The following SHOC2 variants were observed in gnomAD, a reference collection of about 807,000 sequenced individuals.
SHOC2 encodes the protein SHOC2 leucine rich repeat scaffold protein.
In SHOC2, 4 loss-of-function variants were observed where a neutral mutation model predicts 50.2. The ratio of observed to expected loss-of-function variants is 0.08; its 90% CI spans 0.04 to 0.18. The LOEUF (loss-of-function observed/expected upper bound fraction) is 0.18, where lower values mean the gene tolerates loss of function less well. Ranked by LOEUF, SHOC2 falls within the 10% of genes least tolerant of loss-of-function variation. The probability of loss-of-function intolerance (pLI) is 1.00; values close to 1 mark genes in which losing one functional copy is unlikely to be tolerated. For synonymous variants in SHOC2, 218 were observed against 244.5 expected (o/e 0.89, Z 1.01); for missense variants, 388 against 669.6 (o/e 0.58, Z 4.64).
intron 8 of SHOC2, among the ~76,000 whole-genome samples, chr10:111,010,647 G>A (rs1410519118): frequency 2.6e-5 from 4 of 150,980 alleles, no homozygotes; most frequent in Non-Finnish European, 5.9e-5. Flanking sequence ...AAACCTGCAC[G>A]TTGTGTACAT....
chr10:110,931,744 GTTAT>G (rs148471620), intron 1 of SHOC2, among the ~76,000 whole-genome samples: 9,565 of 152,066 alleles, frequency 0.063, 399 homozygotes, highest in African/African-American at 0.12. Context: ...TATGTTTAGA[GTTAT>G]TTATAGAGTA....
intron 3 of SHOC2, chr10:110,989,109 A>G (rs1226727834): frequency 4.3e-6 from 2 of 466,680 alleles, no homozygotes; most frequent in Non-Finnish European, 8.2e-6. Flanking sequence ...TCCTGATAGG[A>G]CTTGAATTCT....
chr10:110,975,452 T>C (rs1847859917), intron 2 of SHOC2, among the ~76,000 whole-genome samples: 1 of 152,204 alleles, frequency 6.6e-6, no homozygotes. Context: ...TATGTTACAT[T>C]TTTAATAGTC....
At chr10:110,935,931 A>G (rs986344334) in intron 1 of SHOC2, among the ~76,000 whole-genome samples, 1 of 152,134 alleles carries the variant, frequency 6.6e-6, no homozygotes, top group Non-Finnish European at 1.5e-5. Flanking sequence ...CAAATGCTCA[A>G]AGTTTGTTAT....
chr10:110,962,833 A>C (rs1407887703), intron 1 of SHOC2, among the ~76,000 whole-genome samples: 1 of 152,162 alleles, frequency 6.6e-6, no homozygotes, highest in African/African-American at 2.4e-5. Context: ...TTTCTCAACC[A>C]TTCTCACTGT....
chr10:110,987,471 T>C (rs1848101077), intron 3 of SHOC2, among the ~76,000 whole-genome samples: 1 of 152,218 alleles, frequency 6.6e-6, no homozygotes, highest in Non-Finnish European at 1.5e-5. Context: ...GTATTACTAT[T>C]TGTAGTGGAA....
intron 1 of SHOC2, among the ~76,000 whole-genome samples, chr10:110,959,073 C>A (rs1452800835): frequency 6.6e-6 from 1 of 151,920 alleles, no homozygotes; most frequent in African/African-American, 2.4e-5. Context: ...TGCTTAGGCA[C>A]AATGATATTA....
At chr10:111,011,572 C>G in intron 8 of SHOC2, 38 bp from the exon 9 acceptor site, 1 of 1,491,502 alleles carries the variant, frequency 6.7e-7, no homozygotes, top group South Asian at 1.1e-5. Context: ...AAAATAGCAA[C>G]TAATTTTTAA....
In SHOC2 at chr10:110,964,910, T is replaced by C. The variant is rs946550133; in HGVS notation, c.552T>C (p.Ile184=). ...TACGGCATAATAAACTGAGAGAAAT[T>C]CCTTCAGTGGTGTATAGGCTGGATT... is the stretch of plus-strand genomic sequence containing the variant. ...LDLRHNKLRE[I]PSVVYRLDSL... Residue 184 remains isoleucine (I), a synonymous_variant, in exon 2 of 9, where the codon ATT becomes ATC. Transcript: ENST00000369452. The surrounding 1 kb of genome is among the most constrained non-coding windows in gnomAD (Gnocchi z 4.9). 1 of 1,613,898 alleles carries C rather than the reference T, an allele frequency of 6.2e-7. No homozygotes were observed. Among genetic ancestry groups the C allele is most frequent in the Non-Finnish European group, 8.5e-7 (1 of 1,179,962 alleles).
At chr10:110,971,633 G>A (rs1847784472) in intron 2 of SHOC2, among the ~76,000 whole-genome samples, 1 of 151,926 alleles carries the variant, frequency 6.6e-6, no homozygotes, top group South Asian at 2.1e-4. Context: ...GATCACTTTG[G>A]GTAGTATGGA....
At chr10:110,958,710 C>T (rs1847515694) in intron 1 of SHOC2, among the ~76,000 whole-genome samples, 1 of 151,860 alleles carries the variant, frequency 6.6e-6, no homozygotes, top group Non-Finnish European at 1.5e-5. Context: ...TAAATTTGTT[C>T]AAAATTTTAC....
intron 2 of SHOC2, among the ~76,000 whole-genome samples, chr10:110,966,623 A>G (rs117673971): frequency 0.014 from 2,173 of 152,290 alleles, 39 homozygotes; most frequent in Admixed American, 0.018. Context: ...AATTAAGAAT[A>G]TACATATATG....
chr10:110,924,233 T>C (rs1036673112), intron 1 of SHOC2, among the ~76,000 whole-genome samples: 1 of 152,238 alleles, frequency 6.6e-6, no homozygotes, highest in Non-Finnish European at 1.5e-5. Context: ...TTTCCTTCTT[T>C]CAGTAAGTTC....
At position 110,985,644 on chromosome 10, in the gene SHOC2, C is replaced by G. The variant is rs759714493; in HGVS notation, c.720C>G (p.Leu240=). Residue 240 remains leucine, a synonymous_variant, in exon 3 of 9, where the codon CTC becomes CTG. Coordinates refer to ENST00000369452, the MANE Select transcript of SHOC2 (RefSeq NM_007373.4). ...AATTTACAGGTGAATTATGTAACCT[C>G]ATTACGCTGGATGTAGCTCACAATC... ...LPAEIGELCN[L]ITLDVAHNQL... 1.6e-5 allele frequency: 26 copies of G among 1,610,714 alleles called. 2 individuals are homozygous for G. The South Asian group carries it at 2.5e-4, about 16-fold the overall frequency.
intron 1 of SHOC2, among the ~76,000 whole-genome samples, chr10:110,945,455 T>G (rs1229864920): frequency 6.6e-6 from 1 of 152,248 alleles, no homozygotes; most frequent in African/African-American, 2.4e-5. Flanking sequence ...CTCATCATTC[T>G]TAATGAGATT....
At chr10:110,979,205 C>T (rs138237782) in intron 2 of SHOC2, among the ~76,000 whole-genome samples, 6 of 152,300 alleles carry the variant, frequency 3.9e-5, no homozygotes, top group Admixed American at 1.3e-4. Context: ...GGAGAGAGGG[C>T]TTCAATTTCT....
At chr10:110,953,786 A>G (rs1329712894) in intron 1 of SHOC2, among the ~76,000 whole-genome samples, 1 of 151,650 alleles carries the variant, frequency 6.6e-6, no homozygotes, top group Admixed American at 6.6e-5. Context: ...TAAACCTACC[A>G]TCTTATGCCA....
chr10:110,937,051 C>T, intron 1 of SHOC2: 1 of 1,489,034 alleles, frequency 6.7e-7, no homozygotes, highest in Non-Finnish European at 9.4e-7. Flanking sequence ...TGGTGTTCAT[C>T]CGCTTGCGGA....
chr10:110,985,268 G>T (rs1848056610), intron 2 of SHOC2, among the ~76,000 whole-genome samples: 1 of 152,036 alleles, frequency 6.6e-6, no homozygotes, highest in Non-Finnish European at 1.5e-5. Context: ...TCAAATTTTG[G>T]AATATATGTA....
Sources: allele counts gnomAD v4.1 joint callset (sites outside exome capture counted in the v4.1 genomes callset), GRCh38; gene constraint gnomAD v4.1.1; non-coding constraint Gnocchi (gnomAD v3.1); transcripts MANE v1.5; gene names NCBI Gene and HGNC (gene_info 2026-07-23, HGNC 2026-07-21).